Variants in KIAA1549L observed in about 807,000 individuals in gnomAD.
KIAA1549L encodes the protein KIAA1549 like.
A neutral mutation model predicts 160.7 loss-of-function variants in KIAA1549L; 88 were observed. The ratio of observed to expected loss-of-function variants is 0.55; its 90% confidence interval spans 0.46 to 0.65. KIAA1549L has a LOEUF of 0.65. Among genes scored for constraint, KIAA1549L ranks in the 30% least tolerant of loss-of-function variants. KIAA1549L has a pLI of 0.00. For missense variants in KIAA1549L, 2,258 were observed against 2,437.5 expected, an observed-to-expected ratio of 0.93 and a Z score of 1.55; for synonymous variants, 950 against 976.7, an observed-to-expected ratio of 0.97 and a Z score of 0.51.
chr11:33,584,622 C>G (rs1855752183), intron 11 of KIAA1549L, among the ~76,000 whole-genome samples: 1 of 152,238 alleles, frequency 6.6e-6, no homozygotes, highest in Non-Finnish European at 1.5e-5. Context: ...CGAGGACTAT[C>G]ACCTCGTTTG....
At chr11:33,643,954 TTAAGAGCTTC>T (rs1010023396) in intron 16 of KIAA1549L, among the ~76,000 whole-genome samples, 12 of 152,338 alleles carry the variant, frequency 7.9e-5, no homozygotes, top group African/African-American at 2.6e-4. Flanking sequence ...GCTTTTTCTC[TTAAGAGCTTC>T]TAAGAGCAGA....
chr11:33,483,737 A>G (rs1293580325), intron 1 of KIAA1549L, among the ~76,000 whole-genome samples: 1 of 152,168 alleles, frequency 6.6e-6, no homozygotes, highest in Non-Finnish European at 1.5e-5. Flanking sequence ...TGATGGTTTT[A>G]TAAGGGGAAA....
At chr11:33,378,292 C>G (rs1405655242) in intron 1 of KIAA1549L, among the ~76,000 whole-genome samples, 1 of 152,136 alleles carries the variant, frequency 6.6e-6, no homozygotes, top group African/African-American at 2.4e-5. Context: ...ATATGTGAAA[C>G]TGGCTTTCAT....
intron 1 of KIAA1549L, among the ~76,000 whole-genome samples, chr11:33,432,077 G>T (rs904813011): frequency 1.2e-4 from 19 of 152,338 alleles, no homozygotes; most frequent in African/African-American, 4.6e-4. Flanking sequence ...CGGAACTCCA[G>T]CTGGCCCACA....
At chr11:33,529,742 T>C (rs1003199249) in intron 1 of KIAA1549L, among the ~76,000 whole-genome samples, 2 of 152,176 alleles carry the variant, frequency 1.3e-5, no homozygotes, top group African/African-American at 4.8e-5. Context: ...AAGCGTCCCA[T>C]AAATATTTGT....
At position 33,542,034 on chromosome 11, in the gene KIAA1549L, T is replaced by C. The variant is rs1854036488; in HGVS notation, c.471T>C (p.Ser157=). ...CTAGGGCTCACGCGGACTTCTCTTC[T>C]TCCCTTTACCAAGGAAGCGGACATA... is the stretch of plus-strand genomic sequence containing the variant. The part of the protein sequence containing the change: ...HRTRAHADFS[S]SLYQGSGHSA... The change falls in exon 2 of 21, where the codon TCT becomes TCC. Residue 157 remains serine, a synonymous_variant. Transcript: ENST00000658780. 1 of 460,426 alleles carries C rather than the reference T, an allele frequency of 2.2e-6. No homozygotes were observed. The highest frequency in any genetic ancestry group is 2.0e-5 in the African/African-American group (1 of 50,268). The allele number at this position is 460,426 out of a possible 1,614,324, so 28.5% of individuals were successfully genotyped here. A position where few individuals can be genotyped will look rare whatever the true frequency, so the allele number is the denominator to read the frequency against.
chr11:33,400,125 G>A (rs537425872), intron 1 of KIAA1549L, among the ~76,000 whole-genome samples: 1 of 152,028 alleles, frequency 6.6e-6, no homozygotes, highest in African/African-American at 2.4e-5. Flanking sequence ...GACCTTTCAC[G>A]TACAGCACAT....
At chr11:33,409,513 G>A (rs1033455193) in intron 1 of KIAA1549L, among the ~76,000 whole-genome samples, 54 of 152,076 alleles carry the variant, frequency 3.6e-4, no homozygotes, top group African/African-American at 1.1e-3. Flanking sequence ...TTTCATTAAG[G>A]GTAGGCTTTA....
In KIAA1549L at chr11:33,618,621, C is replaced by T. The variant is rs546647919; in HGVS notation, c.5368C>T (p.Arg1790Trp). 37 of 1,605,438 alleles carry T rather than the reference C, an allele frequency of 2.3e-5. No homozygotes were observed. The highest frequency in any genetic ancestry group is 3.0e-5 in the Non-Finnish European group (35 of 1,175,392). Reference protein sequence around the residue: ...GETEMDLLVTRERPRRGIRNS... With the variant: ...GETEMDLLVTWERPRRGIRNS... ...AACCGAGATGGACCTTCTGGTGACT[C>T]GGGAGCGACCCCGGCGTGGAATCCG... The change falls in exon 16 of 21, where the codon CGG becomes TGG. Residue 1790 changes from arginine (R) to tryptophan (W), a missense_variant. Arg to Trp is a moderately radical substitution (Grantham distance 101, BLOSUM62 -3). Transcript: ENST00000658780.
chr11:33,383,290 GACAA>G (rs1262907269), intron 1 of KIAA1549L, among the ~76,000 whole-genome samples: 5 of 146,694 alleles, frequency 3.4e-5, no homozygotes, highest in African/African-American at 1.3e-4. Context: ...TTTTTTTAAA[GACAA>G]ACAAAAACTC....
Position 33,509,849 on chromosome 11 carries a change from T to A in KIAA1549L, c.239-31953T>A, listed in dbSNP as rs114648447. Among the ~76,000 whole-genome samples the A allele has an allele frequency of 7.0e-3, 1,070 of 152,226 alleles. 16 individuals are homozygous for A. Among genetic ancestry groups the A allele is most frequent in the African/African-American group, 0.025 (1,033 of 41,514 alleles). On this transcript the variant is annotated intron_variant, in intron 1 of 20. Transcript: ENST00000658780. ...TGTCCCTCTCATCATCCCCAGAAAC[T>A]GAAGGCGAGTTGAAATGACTCCTGC...
At chr11:33,427,327 A>G (rs1038509209) in intron 1 of KIAA1549L, among the ~76,000 whole-genome samples, 5 of 152,122 alleles carry the variant, frequency 3.3e-5, no homozygotes, top group Admixed American at 6.5e-5. Context: ...CCCTTTGAGG[A>G]TGAACCATCT....
intron 1 of KIAA1549L, among the ~76,000 whole-genome samples, chr11:33,537,689 T>C (rs938820913): frequency 2.6e-5 from 4 of 152,232 alleles, no homozygotes; most frequent in Admixed American, 6.5e-5. Flanking sequence ...CCAGTTTCTT[T>C]TTCACATGTT....
chr11:33,595,543 A>T (rs1312705961), intron 12 of KIAA1549L, among the ~76,000 whole-genome samples: 1 of 152,190 alleles, frequency 6.6e-6, no homozygotes, highest in Middle Eastern at 3.2e-3. Flanking sequence ...TCATAATTTT[A>T]GCATAAAAAT....
chr11:33,586,335 A>T (rs1372748351), intron 11 of KIAA1549L, among the ~76,000 whole-genome samples: 1 of 152,160 alleles, frequency 6.6e-6, no homozygotes. Context: ...CCGAGACCAG[A>T]GTATGGATAC....
intron 17 of KIAA1549L, among the ~76,000 whole-genome samples, chr11:33,650,599 C>A (rs936327961): frequency 1.8e-4 from 28 of 152,082 alleles, no homozygotes; most frequent in African/African-American, 6.5e-4. Context: ...TCGGGTTGCC[C>A]GTCCAGGCAG....
At chr11:33,558,587 G>C (rs1191874373) in intron 6 of KIAA1549L, among the ~76,000 whole-genome samples, 1 of 152,122 alleles carries the variant, frequency 6.6e-6, no homozygotes, top group African/African-American at 2.4e-5. Context: ...ACAAAAAAAG[G>C]CCTCACCAAG....
rs778397690 is a variant in KIAA1549L at position 33,574,880 on chromosome 11, G to A, written c.4402+7G>A. On this transcript the variant is annotated splice_region_variant and intron_variant, in intron 10 of 20. Transcript: ENST00000658780. The stretch of plus-strand genomic sequence containing the variant: ...GTCCTTCTGCAAGCTGACCGTAAGG[G>A]AATGGTCTTTTTATTCAGTCTTTTT... The A allele has an allele frequency of 3.1e-6, 5 of 1,609,098 alleles. No homozygotes were observed. The South Asian group carries it at 4.4e-5, about 14-fold the overall frequency.
chr11:33,496,055 T>A (rs1042181640), intron 1 of KIAA1549L, among the ~76,000 whole-genome samples: 1 of 152,170 alleles, frequency 6.6e-6, no homozygotes, highest in Non-Finnish European at 1.5e-5. Flanking sequence ...CTCTGCCTCC[T>A]GGGTTCAAGC....
Sources: gnomAD v4.1 joint callset for allele counts (sites outside exome capture counted in the v4.1 genomes callset) on GRCh38, gnomAD v4.1.1 for gene constraint, MANE v1.5 for transcripts, NCBI Gene and HGNC (gene_info 2026-07-23, HGNC 2026-07-21) for gene names.